Variants in ADGB observed in about 807,000 individuals in gnomAD.
ADGB encodes androglobin.
ADGB carries 172 observed loss-of-function variants against 210.5 expected under a neutral mutation model. The ratio of observed to expected loss-of-function variants is 0.82; its 90% CI spans 0.72 to 0.93. The LOEUF (loss-of-function observed/expected upper bound fraction) is 0.93. Ranked by LOEUF, ADGB falls within the 40% of genes least tolerant of loss-of-function variation. The pLI is 0.00. For synonymous variants in ADGB, 658 were observed against 662.7 expected, an observed-to-expected ratio of 0.99 and a Z score of 0.11; for missense variants, 2,025 against 1,964.8, an observed-to-expected ratio of 1.03 and a Z score of -0.58.
At position 146,804,938 on chromosome 6, in the gene ADGB, A is replaced by G. The variant is rs143354728; in HGVS notation, c.4818+2927A>G. On this transcript the variant is annotated intron_variant, in intron 35 of 35. Transcript: ENST00000397944. ...ACAAGATCACAGATAATACCTAAAT[A>G]AATAGGATAATGGCAAAATGAATAA... 3.7e-3 allele frequency among the ~76,000 whole-genome samples: 562 copies of G among 152,368 alleles called. 3 individuals are homozygous for G. Among genetic ancestry groups the G allele is most frequent in the African/African-American group, 0.013 (545 of 41,588 alleles).
In ADGB at chr6:146,691,210, C is replaced by T. The variant is rs965745109; in HGVS notation, c.1406C>T (p.Ala469Val). The change falls in exon 11 of 36, where the codon GCA becomes GTA. Residue 469 changes from alanine (A) to valine (V), a missense_variant. Transcript: ENST00000397944. Reference sequence around the variant, plus strand: ...AGAAGTAGGTCTTGTCCTCTGGTAGCACCACCAAAACCACCTCCTCTACCT... The same window carrying T: ...AGAAGTAGGTCTTGTCCTCTGGTAGTACCACCAAAACCACCTCCTCTACCT... ...VTRSRSCPLV[A>V]PPKPPPLPPW... The T allele has an allele frequency of 9.7e-6, 15 of 1,549,324 alleles. No individual in the cohort carries two copies. In the African/African-American group the frequency reaches 1.9e-4, roughly 20 times the overall value.
chr6:146,623,194 A>G (rs886394100), intron 1 of ADGB, among the ~76,000 whole-genome samples: 46 of 151,942 alleles, frequency 3.0e-4, no homozygotes, highest in African/African-American at 9.4e-4. Flanking sequence ...TTTAGAATCA[A>G]CTTGTCAAAT....
chr6:146,802,209 A>C, intron 35 of ADGB, 198 bp downstream of exon 35: 1 of 303,542 alleles, frequency 3.3e-6, no homozygotes. Flanking sequence ...ATCCCCCTAA[A>C]ATGCAGTATT....
intron 35 of ADGB, among the ~76,000 whole-genome samples, chr6:146,810,958 C>T (rs1233851034): frequency 6.6e-6 from 1 of 152,054 alleles, no homozygotes; most frequent in Admixed American, 6.6e-5. Context: ...ATCAAACCAT[C>T]CTGTGGTATA....
chr6:146,685,678 C>A, intron 9 of ADGB, 56 bp from the exon 10 acceptor site: 2 of 1,121,586 alleles, frequency 1.8e-6, no homozygotes, highest in Non-Finnish European at 2.5e-6. Context: ...GAGTGAGCAA[C>A]TGACAGACCG....
chr6:146,803,620 G>A, intron 35 of ADGB: 1 of 1,347,590 alleles, frequency 7.4e-7, no homozygotes, highest in Non-Finnish European at 1.1e-6. Flanking sequence ...AGTGAAATTA[G>A]AGATCTTTTT....
chr6:146,612,158 T>C (rs1028480496), intron 1 of ADGB, among the ~76,000 whole-genome samples: 1 of 152,190 alleles, frequency 6.6e-6, no homozygotes, highest in African/African-American at 2.4e-5. Context: ...CCCATCTGCC[T>C]CCTGCTTTGT....
In ADGB at chr6:146,815,166, G is replaced by T. The variant is rs1251384600; in HGVS notation, c.4953G>T (p.Lys1651Asn). 1 of 1,535,152 alleles carries T rather than the reference G, an allele frequency of 6.5e-7. No individual in the cohort carries two copies. The highest frequency in any genetic ancestry group is 1.2e-5 in the South Asian group (1 of 81,290). ...QEAAMKLETE[K>N]MTPAPDTQKK... is the part of the protein sequence containing the mutation. Reference sequence around the variant, plus strand: ...CAGCCATGAAGCTGGAGACAGAAAAGATGACCCCAGCTCCTGACACACAGA... The same window carrying T: ...CAGCCATGAAGCTGGAGACAGAAAATATGACCCCAGCTCCTGACACACAGA... Residue 1651 changes from lysine to asparagine, a missense_variant, in exon 36 of 36, where the codon AAG becomes AAT. Transcript: ENST00000397944.
At chr6:146,679,444 A>T (rs182491279) in intron 9 of ADGB, among the ~76,000 whole-genome samples, 22 of 152,332 alleles carry the variant, frequency 1.4e-4, no homozygotes, top group African/African-American at 5.0e-4. Context: ...CTTGAAGAGG[A>T]ACACAGTAAC....
At chr6:146,728,457 T>C in intron 19 of ADGB, 117 bp from the exon 20 acceptor site, 4 of 1,052,640 alleles carry the variant, frequency 3.8e-6, no homozygotes, top group Non-Finnish European at 5.2e-6. Context: ...TCAAATCCTC[T>C]ATAAAGAATT....
At chr6:146,726,646 A>G (rs562638484) in intron 19 of ADGB, among the ~76,000 whole-genome samples, 1 of 152,350 alleles carries the variant, frequency 6.6e-6, no homozygotes, top group East Asian at 1.9e-4. Context: ...AAATCCCCAC[A>G]TGCAACCATG....
At chr6:146,719,944 T>A (rs1776790563) in intron 16 of ADGB, among the ~76,000 whole-genome samples, 1 of 152,162 alleles carries the variant, frequency 6.6e-6, no homozygotes, top group Admixed American at 6.5e-5. Context: ...GAGTAAACAT[T>A]TAAGTCATGA....
intron 9 of ADGB, among the ~76,000 whole-genome samples, chr6:146,684,472 T>C (rs982945168): frequency 2.6e-5 from 4 of 152,060 alleles, no homozygotes; most frequent in African/African-American, 9.7e-5. Context: ...AAATTACTGG[T>C]CACTGCTGAG....
At chr6:146,650,406 A>G (rs1362129299) in intron 3 of ADGB, among the ~76,000 whole-genome samples, 3 of 151,986 alleles carry the variant, frequency 2.0e-5, no homozygotes, top group Non-Finnish European at 4.4e-5. Flanking sequence ...CCTTAACTCT[A>G]TAGTTGCAGG....
intron 5 of ADGB, among the ~76,000 whole-genome samples, chr6:146,663,028 T>C (rs1775884920): frequency 6.9e-6 from 1 of 144,866 alleles, no homozygotes; most frequent in Non-Finnish European, 1.5e-5. Flanking sequence ...CATAATTTTA[T>C]ATAATCTTAA....
chr6:146,715,236 A>T (rs552322627), intron 13 of ADGB, 146 bp from the exon 14 acceptor site: 6 of 664,316 alleles, frequency 9.0e-6, no homozygotes, highest in African/African-American at 1.9e-5. Flanking sequence ...TTAAAAACAA[A>T]TTTTTTTGGT....
At chr6:146,782,373 G>T (rs1437770832) in intron 30 of ADGB, among the ~76,000 whole-genome samples, 181 bp downstream of exon 30, 1 of 152,132 alleles carries the variant, frequency 6.6e-6, no homozygotes, top group African/African-American at 2.4e-5. Flanking sequence ...TTCTAGTTCA[G>T]TATCAAAAAC....
chr6:146,724,212 G>A lies in ADGB; in HGVS notation c.2122G>A (p.Glu708Lys), dbSNP rs903209053. 17 of 1,550,284 alleles carry A rather than the reference G, an allele frequency of 1.1e-5. No individual in the cohort carries two copies. The highest frequency in any genetic ancestry group is 1.5e-5 in the Non-Finnish European group (17 of 1,146,508). Residue 708 changes from glutamate to lysine, a missense_variant, in exon 18 of 36, where the codon GAG (glutamate) becomes AAG (lysine). By Grantham distance (56) the Glu-to-Lys change is moderately conservative. Coordinates refer to ENST00000397944, the MANE Select transcript of ADGB (RefSeq NM_024694.4). ...GALTKDSPPI[E>K]PGLLTAETFS... Reference sequence around the variant, plus strand: ...CTTAACAAAAGACAGTCCTCCCATAGAGCCTGGACTTCTCACAGCTGAAAC... The same window carrying A: ...CTTAACAAAAGACAGTCCTCCCATAAAGCCTGGACTTCTCACAGCTGAAAC...
intron 35 of ADGB, among the ~76,000 whole-genome samples, chr6:146,814,021 C>T (rs1225123217): frequency 6.6e-6 from 1 of 150,888 alleles, no homozygotes; most frequent in Non-Finnish European, 1.5e-5. Context: ...CTCTCTCCTG[C>T]TCATTCTCTT....
Sources: gnomAD v4.1 joint callset for allele counts (sites outside exome capture counted in the v4.1 genomes callset) on GRCh38, gnomAD v4.1.1 for gene constraint, MANE v1.5 for transcripts, NCBI Gene and HGNC (gene_info 2026-07-23, HGNC 2026-07-21) for gene names.